HIVEP3: variants seen among roughly 807,000 people sequenced by gnomAD.
HIVEP3 encodes transcription factor HIVEP3.
HIVEP3 carries 49 observed loss-of-function variants against 152.8 expected under a neutral mutation model. The observed-to-expected ratio is 0.32, with a 90% confidence interval of 0.26 to 0.41. The LOEUF (loss-of-function observed/expected upper bound fraction) is 0.41. HIVEP3 is among the 10% of genes least tolerant of loss of function. HIVEP3 has a pLI of 1.00. For synonymous variants in HIVEP3, 1,269 were observed against 1,289.0 expected, an observed-to-expected ratio of 0.98 and a Z score of 0.33; for missense variants, 2,790 against 3,103.3, an observed-to-expected ratio of 0.90 and a Z score of 2.40.
At chr1:41,694,323 C>G (rs2124115079) in intron 2 of HIVEP3, among the ~76,000 whole-genome samples, 1 of 152,248 alleles carries the variant, frequency 6.6e-6, no homozygotes, top group South Asian at 2.1e-4. Context: ...CCCCACCCGA[C>G]CTTTTTACCC....
intron 1 of HIVEP3, among the ~76,000 whole-genome samples, chr1:41,714,594 C>G (rs1349584449): frequency 9.9e-5 from 15 of 152,146 alleles, no homozygotes; most frequent in Admixed American, 9.2e-4. Flanking sequence ...GTAGCCAGGT[C>G]AGGGGACACA....
At chr1:41,905,019 C>A (rs1644687815) in intron 1 of HIVEP3, among the ~76,000 whole-genome samples, 1 of 152,184 alleles carries the variant, frequency 6.6e-6, no homozygotes, top group African/African-American at 2.4e-5. Flanking sequence ...TTTGCCGTGT[C>A]TCTAGTCAAC....
chr1:41,985,284 C>T (rs1645315704), intron 1 of HIVEP3, among the ~76,000 whole-genome samples: 1 of 152,150 alleles, frequency 6.6e-6, no homozygotes, highest in Admixed American at 6.5e-5. Flanking sequence ...TTTTCCAGGC[C>T]ATAGTACAGA....
In HIVEP3 at chr1:41,686,861, T is replaced by C. The variant is rs138512509; in HGVS notation, c.-721+14055A>G. On this transcript the variant is annotated intron_variant, in intron 2 of 8. Transcript: ENST00000372583. ...ATTACAATATATAAACACAGGAGCA[T>C]GGTAAGAATGGATTCATTCACTCCA... Among the ~76,000 whole-genome samples, 741 of 152,312 alleles carry C rather than the reference T, an allele frequency of 4.9e-3. 10 individuals are homozygous for C. The highest frequency in any genetic ancestry group is 0.017 in the African/African-American group (724 of 41,560).
intron 1 of HIVEP3, among the ~76,000 whole-genome samples, chr1:41,835,677 A>T (rs1643100808): frequency 6.6e-6 from 1 of 152,056 alleles, no homozygotes; most frequent in Non-Finnish European, 1.5e-5. Flanking sequence ...GAGGAAATGG[A>T]TGTAGATCAC....
intron 5 of HIVEP3, among the ~76,000 whole-genome samples, chr1:41,574,892 C>A (rs1043164798): frequency 6.6e-6 from 1 of 152,224 alleles, no homozygotes; most frequent in Non-Finnish European, 1.5e-5. Flanking sequence ...AAACACGGCA[C>A]CCTTCCAGAG....
At chr1:41,700,393 A>G (rs1170769532) in intron 2 of HIVEP3, among the ~76,000 whole-genome samples, 1 of 152,184 alleles carries the variant, frequency 6.6e-6, no homozygotes, top group Non-Finnish European at 1.5e-5. Flanking sequence ...CCCAAAATGC[A>G]CACGTACACA....
intron 1 of HIVEP3, among the ~76,000 whole-genome samples, chr1:42,005,074 C>T (rs544171146): frequency 2.6e-5 from 4 of 152,236 alleles, no homozygotes; most frequent in Non-Finnish European, 4.4e-5. Flanking sequence ...TGGCCATTCC[C>T]GCTGATGGGA....
intron 1 of HIVEP3, among the ~76,000 whole-genome samples, chr1:41,885,764 A>T (rs6662136): frequency 6.2e-5 from 9 of 144,346 alleles, no homozygotes; most frequent in Non-Finnish European, 9.1e-5. Context: ...CTTCCCTTCC[A>T]TTCCCTTCCT....
intron 2 of HIVEP3, among the ~76,000 whole-genome samples, chr1:41,681,777 C>T (rs1195602726): frequency 6.6e-6 from 1 of 152,198 alleles, no homozygotes; most frequent in African/African-American, 2.4e-5. Flanking sequence ...TGTTCAGCTA[C>T]ATAAGTTCCA....
In HIVEP3 at chr1:41,618,245, A is replaced by G. The variant is rs570086730; in HGVS notation, c.-522+10504T>C. ...AGGCTTGCCACTCTGGCTGCCACACAGAAGAGTCTCCTTGCGCTCAGCAGA... is the reference window on the plus strand; with the variant it reads ...AGGCTTGCCACTCTGGCTGCCACACGGAAGAGTCTCCTTGCGCTCAGCAGA... On this transcript the variant is annotated intron_variant, in intron 3 of 8. Coordinates refer to ENST00000372583, the MANE Select transcript of HIVEP3 (RefSeq NM_024503.5). 8.5e-5 allele frequency among the ~76,000 whole-genome samples: 13 copies of G among 152,350 alleles called. No homozygotes were observed. The South Asian group carries it at 2.7e-3, about 32-fold the overall frequency.
intron 1 of HIVEP3, among the ~76,000 whole-genome samples, chr1:41,815,317 T>TA (rs1320996193): frequency 6.6e-6 from 1 of 151,754 alleles, no homozygotes; most frequent in Non-Finnish European, 1.5e-5. Flanking sequence ...CTACAAAAAA[T>TA]AAAAATTAGC....
intron 1 of HIVEP3, among the ~76,000 whole-genome samples, chr1:41,825,859 C>T (rs1332411673): frequency 6.6e-6 from 1 of 151,880 alleles, no homozygotes; most frequent in Non-Finnish European, 1.5e-5. Flanking sequence ...CTGCCCACTT[C>T]GGCCTCCCAA....
chr1:41,594,153 T>C (rs1368457084), intron 3 of HIVEP3, among the ~76,000 whole-genome samples: 1 of 152,230 alleles, frequency 6.6e-6, no homozygotes, highest in Admixed American at 6.5e-5. Flanking sequence ...TTCCAGGGTT[T>C]AGAATGTGGA....
intron 1 of HIVEP3, among the ~76,000 whole-genome samples, chr1:41,833,511 A>G (rs1025427437): frequency 2.6e-5 from 4 of 152,240 alleles, no homozygotes; most frequent in Non-Finnish European, 4.4e-5. Context: ...AATTTAGTCC[A>G]AAGCACAAAG....
chr1:41,737,341 C>T (rs1444590936), intron 1 of HIVEP3, among the ~76,000 whole-genome samples: 1 of 152,210 alleles, frequency 6.6e-6, no homozygotes, highest in Non-Finnish European at 1.5e-5. Flanking sequence ...TCCCACTGCC[C>T]ACAGTGCCTC....
chr1:41,947,631 CAAGCCCCAGTGTT>C (rs1203240751), intron 1 of HIVEP3, among the ~76,000 whole-genome samples: 1 of 152,230 alleles, frequency 6.6e-6, no homozygotes, highest in African/African-American at 2.4e-5. Flanking sequence ...GGCCCTAACC[CAAGCCCCAGTGTT>C]AAGCTTGCTA....
At chr1:41,855,556 C>T (rs1456311530) in intron 1 of HIVEP3, among the ~76,000 whole-genome samples, 2 of 150,762 alleles carry the variant, frequency 1.3e-5, no homozygotes, top group African/African-American at 4.8e-5. Flanking sequence ...TGAACAGACA[C>T]TTCTTGCTGC....
Position 41,575,775 on chromosome 1 carries a change from A to G in HIVEP3, c.5062-86T>C, listed in dbSNP as rs1266565473. 5 of 1,386,554 alleles carry G rather than the reference A, an allele frequency of 3.6e-6. No individual in the cohort carries two copies. The East Asian group carries it at 9.2e-5, about 25-fold the overall frequency. 85.9% of individuals were successfully genotyped at this position (1,386,554 alleles called of 1,614,324 possible). Reference sequence around the variant, plus strand: ...TGCAATGCTAATAATCATGCCTTACACAGTACTGCACAAGTACACATATGC... The same window carrying G: ...TGCAATGCTAATAATCATGCCTTACGCAGTACTGCACAAGTACACATATGC... On this transcript the variant is annotated intron_variant, in intron 4 of 8. Transcript: ENST00000372583.
Sources: allele counts gnomAD v4.1 joint callset (sites outside exome capture counted in the v4.1 genomes callset), GRCh38; gene constraint gnomAD v4.1.1; transcripts MANE v1.5; gene names NCBI Gene and HGNC (gene_info 2026-07-23, HGNC 2026-07-21).